The following STK3 variants were observed in gnomAD, a reference collection of about 807,000 sequenced individuals.
STK3 encodes serine/threonine-protein kinase 3.
A neutral mutation model predicts 58.0 loss-of-function variants in STK3; 41 were observed. The observed-to-expected ratio is 0.71, with a 90% CI of 0.55 to 0.92. The LOEUF (loss-of-function observed/expected upper bound fraction) is 0.92. STK3 is among the 40% of genes least tolerant of loss of function. The pLI, the probability that STK3 is intolerant of heterozygous loss-of-function variation, is 0.00. For synonymous variants in STK3, 170 were observed against 191.0 expected (o/e 0.89, Z 0.91); for missense variants, 479 against 602.7 (o/e 0.79, Z 2.15).
chr8:98,500,370 A>AT (rs1251421159), intron 10 of STK3, among the ~76,000 whole-genome samples: 1 of 151,706 alleles, frequency 6.6e-6, no homozygotes, highest in African/African-American at 2.4e-5. Context: ...CATCTCTACT[A>AT]TTTTTTTTAT....
At chr8:98,530,831 A>C (rs1164774982) in intron 9 of STK3, among the ~76,000 whole-genome samples, 1 of 152,248 alleles carries the variant, frequency 6.6e-6, no homozygotes, top group Admixed American at 6.5e-5. Context: ...CATTTCAACA[A>C]TGTTCACAGC....
At chr8:98,694,616 T>C (rs1456933799) in intron 6 of STK3, among the ~76,000 whole-genome samples, 1 of 152,200 alleles carries the variant, frequency 6.6e-6, no homozygotes, top group Admixed American at 6.5e-5. Flanking sequence ...TTTCTTGTTC[T>C]TGCGATAGTT....
intron 9 of STK3, among the ~76,000 whole-genome samples, chr8:98,537,733 C>A (rs1378348011): frequency 6.6e-6 from 1 of 152,100 alleles, no homozygotes; most frequent in East Asian, 1.9e-4. Context: ...CAATTTTGGC[C>A]CTAATTCCTT....
At position 98,654,101 on chromosome 8, in the gene STK3, C is replaced by T. The variant is rs558590683; in HGVS notation, c.684+52366G>A. On this transcript the variant is annotated intron_variant, in intron 6 of 10. Transcript: ENST00000419617. ...AATCCTCAATAAAATACTGACAAAC[C>T]GCATCCAGCAGCACATCAAAAAGCT... Among the ~76,000 whole-genome samples, 370 of 152,166 alleles carry T rather than the reference C, an allele frequency of 2.4e-3. 1 individual carries two copies. The highest frequency in any genetic ancestry group is 8.5e-3 in the African/African-American group (354 of 41,518).
intron 6 of STK3, among the ~76,000 whole-genome samples, chr8:98,690,531 T>C (rs1824325817): frequency 6.7e-6 from 1 of 149,088 alleles, no homozygotes; most frequent in Non-Finnish European, 1.5e-5. Flanking sequence ...AAAAGACTAC[T>C]AAAAGATAGC....
chr8:98,462,426 T>C (rs1820066566), intron 10 of STK3, among the ~76,000 whole-genome samples: 1 of 152,200 alleles, frequency 6.6e-6, no homozygotes, highest in African/African-American at 2.4e-5. Flanking sequence ...CATCCTTCAG[T>C]GAGTTAGCTG....
At chr8:98,419,292 T>C (rs746572861) in intron 3 of STK3, among the ~76,000 whole-genome samples, 1 of 151,012 alleles carries the variant, frequency 6.6e-6, no homozygotes, top group Admixed American at 6.6e-5. Context: ...ACCCAGGAGG[T>C]AGAGGTTGGA....
In STK3 at chr8:98,857,620, G is replaced by A. The variant is rs72668415; in HGVS notation, c.110+26027C>T. 9.2e-3 allele frequency among the ~76,000 whole-genome samples: 1,408 copies of A among 152,230 alleles called. 20 individuals carry two copies. Among genetic ancestry groups the A allele is most frequent in the Non-Finnish European group, 0.013 (903 of 68,012 alleles). ...ATAATAGGTTTAAACTTCTGTAAGAGTTACTAGCATTTCAAGTTCTTAAAA... is the reference window on the plus strand; with the variant it reads ...ATAATAGGTTTAAACTTCTGTAAGAATTACTAGCATTTCAAGTTCTTAAAA... On this transcript the variant is annotated intron_variant, in intron 3 of 12. Coordinates refer to the STK3 transcript ENST00000523601.
chr8:98,769,433 C>A (rs763419342), intron 2 of STK3, among the ~76,000 whole-genome samples: 18 of 152,154 alleles, frequency 1.2e-4, no homozygotes, highest in Middle Eastern at 3.2e-3. Context: ...TCTCTCTTTG[C>A]CCGCTGCCAT....
upstream of STK3, among the ~76,000 whole-genome samples, chr8:98,389,522 C>A (rs138813543): frequency 2.6e-5 from 4 of 152,114 alleles, no homozygotes; most frequent in Non-Finnish European, 5.9e-5. Context: ...AACAAGTTCA[C>A]ATAATCAAAT....
chr8:98,905,014 C>T, intron 1 of STK3: 1 of 798,044 alleles, frequency 1.3e-6, no homozygotes, highest in Non-Finnish European at 2.2e-6. Flanking sequence ...TAGTGGAGTG[C>T]TGCATATGCA....
intron 3 of STK3, among the ~76,000 whole-genome samples, chr8:98,755,290 G>T (rs1353982860): frequency 6.6e-6 from 1 of 152,100 alleles, no homozygotes; most frequent in Non-Finnish European, 1.5e-5. Context: ...TTCACAATTT[G>T]GACCCTCATA....
At chr8:98,770,771 G>C (rs1337415442) in intron 2 of STK3, among the ~76,000 whole-genome samples, 1 of 152,220 alleles carries the variant, frequency 6.6e-6, no homozygotes, top group Non-Finnish European at 1.5e-5. Context: ...GGCTCCTTGA[G>C]TTTAATAGAT....
chr8:98,605,592 C>T (rs1170195341), intron 6 of STK3, among the ~76,000 whole-genome samples: 1 of 152,034 alleles, frequency 6.6e-6, no homozygotes, highest in African/African-American at 2.4e-5. Context: ...CGCCCTGCCC[C>T]CAGCTATCCG....
At chr8:98,344,082 T>C in the STK3 span, among the ~76,000 whole-genome samples, 5 of 152,334 alleles carry the variant, frequency 3.3e-5, no homozygotes, top group African/African-American at 9.6e-5. Context: ...TAAAATTACT[T>C]TTAGTTTCTG....
intron 1 of STK3, among the ~76,000 whole-genome samples, chr8:98,794,381 T>C (rs1177884507): frequency 6.6e-6 from 1 of 152,060 alleles, no homozygotes; most frequent in Non-Finnish European, 1.5e-5. Flanking sequence ...TTAGGGACAA[T>C]TATGAACACT....
intron 10 of STK3, among the ~76,000 whole-genome samples, chr8:98,511,461 A>G (rs1469058152): frequency 6.6e-6 from 1 of 152,058 alleles, no homozygotes; most frequent in Non-Finnish European, 1.5e-5. Flanking sequence ...ATTTTAGAAC[A>G]TTTTCGCTTA....
At chr8:98,937,329 A>G (rs918492895) in intron 1 of STK3, among the ~76,000 whole-genome samples, 6 of 152,250 alleles carry the variant, frequency 3.9e-5, no homozygotes, top group African/African-American at 1.4e-4. Flanking sequence ...ATGAAGTGAA[A>G]TAACATCATT....
intron 1 of STK3, among the ~76,000 whole-genome samples, chr8:98,903,487 G>GCTCTTCTTC (rs1564093336): frequency 7.2e-6 from 1 of 139,644 alleles, no homozygotes; most frequent in African/African-American, 2.7e-5. Context: ...AATTTAGGAA[G>GCTCTTCTTC]TTCTTCTTCT....
Sources: gnomAD v4.1 joint callset for allele counts (sites outside exome capture counted in the v4.1 genomes callset) on GRCh38, gnomAD v4.1.1 for gene constraint, MANE v1.5 for transcripts, NCBI Gene and HGNC (gene_info 2026-07-23, HGNC 2026-07-21) for gene names.